The following SLC8A1 variants were observed in gnomAD, a reference collection of about 807,000 sequenced individuals.
The protein encoded by SLC8A1 is solute carrier family 8 member A1, also known as sodium/calcium exchanger 1.
Under a neutral mutation model 68.3 loss-of-function variants are expected in SLC8A1, and 18 were observed. That is an observed-to-expected ratio of 0.26 (90% CI 0.18 to 0.39). The LOEUF (loss-of-function observed/expected upper bound fraction) is 0.39. SLC8A1 is among the 10% of genes least tolerant of loss of function. The pLI, the probability that SLC8A1 is intolerant of heterozygous loss-of-function variation, is 1.00. For missense variants in SLC8A1, 985 were observed against 1,156.7 expected (o/e 0.85, Z 2.15); for synonymous variants, 475 against 415.5 (o/e 1.14, Z -1.74).
Position 40,324,369 on chromosome 2 carries a change from A to C in SLC8A1, c.1808+104104T>G, listed in dbSNP as rs564616837. On this transcript the variant is annotated intron_variant, in intron 2 of 7. Transcript: ENST00000406785. ...ACAGACAACTATAAAATGGGGTTCA[A>C]ATAAAGATGGGGCTATTTCAGAGGC... Among the ~76,000 whole-genome samples, 27 of 152,276 alleles carry C rather than the reference A, an allele frequency of 1.8e-4. No homozygotes were observed. The South Asian group carries it at 5.4e-3, about 30-fold the overall frequency.
intron 7 of SLC8A1, among the ~76,000 whole-genome samples, chr2:40,132,603 G>A (rs2148218193): frequency 6.6e-6 from 1 of 151,844 alleles, no homozygotes; most frequent in East Asian, 1.9e-4. Flanking sequence ...TCTTAGTTTT[G>A]AGAGTTATTA....
At chr2:40,152,686 G>C (rs2043676960) in intron 6 of SLC8A1, among the ~76,000 whole-genome samples, 1 of 151,942 alleles carries the variant, frequency 6.6e-6, no homozygotes, top group South Asian at 2.1e-4. Flanking sequence ...AAAGTGCTGG[G>C]ATTACAAGTG....
At chr2:40,349,235 C>G (rs986780664) in intron 2 of SLC8A1, among the ~76,000 whole-genome samples, 1 of 151,974 alleles carries the variant, frequency 6.6e-6, no homozygotes, top group African/African-American at 2.4e-5. Context: ...TGAAAAAAAC[C>G]GAAGACATGT....
chr2:40,173,889 A>G (rs1383334863), intron 4 of SLC8A1, among the ~76,000 whole-genome samples: 2 of 152,210 alleles, frequency 1.3e-5, no homozygotes, highest in Non-Finnish European at 1.5e-5. Flanking sequence ...GATGACTCTA[A>G]AAGGGTGAGA....
chr2:40,491,965 A>C (rs980359124), intron 1 of SLC8A1, among the ~76,000 whole-genome samples: 3 of 152,262 alleles, frequency 2.0e-5, no homozygotes, highest in Middle Eastern at 3.4e-3. Context: ...GCTACCAATG[A>C]CTTTCTTCAC....
chr2:40,301,666 C>T lies in SLC8A1; in HGVS notation c.1809-123811G>A, dbSNP rs192075479. 2.8e-3 allele frequency among the ~76,000 whole-genome samples: 426 copies of T among 152,302 alleles called. 1 individual carries two copies. The highest frequency in any genetic ancestry group is 0.014 in the Middle Eastern group (4 of 294). ...GTGCGGTGGCTTACGCCTATAATCCCAGCACATTGGGAGGCTAAGGCAGGT... is the reference window on the plus strand; with the variant it reads ...GTGCGGTGGCTTACGCCTATAATCCTAGCACATTGGGAGGCTAAGGCAGGT... On this transcript the variant is annotated intron_variant, in intron 2 of 7. Transcript: ENST00000406785.
intron 2 of SLC8A1, among the ~76,000 whole-genome samples, chr2:40,244,703 C>T (rs1186431839): frequency 6.6e-6 from 1 of 152,072 alleles, no homozygotes; most frequent in Admixed American, 6.6e-5. Flanking sequence ...GATCCTACCT[C>T]AGTTTTCAGC....
chr2:40,316,961 C>T (rs190891836), intron 2 of SLC8A1, among the ~76,000 whole-genome samples: 87 of 152,040 alleles, frequency 5.7e-4, no homozygotes, highest in Admixed American at 4.7e-3. Context: ...TTATAAATAG[C>T]CCTCCACTCA....
At chr2:40,161,768 C>G (rs2045727619) in intron 5 of SLC8A1, among the ~76,000 whole-genome samples, 1 of 152,184 alleles carries the variant, frequency 6.6e-6, no homozygotes, top group Non-Finnish European at 1.5e-5. Flanking sequence ...TCCCAAGAAA[C>G]TACCACAGTG....
At chr2:40,161,153 C>A (rs2045609791) in intron 5 of SLC8A1, among the ~76,000 whole-genome samples, 1 of 152,172 alleles carries the variant, frequency 6.6e-6, no homozygotes, top group African/African-American at 2.4e-5. Flanking sequence ...GCCCATCCAT[C>A]CCCCTGAATG....
At chr2:40,512,371 A>G (rs1008667319) in exon 1 of SLC8A1, 12 of 152,416 alleles carry the variant, frequency 7.9e-5, no homozygotes, top group Admixed American at 5.9e-4. Context: ...TTGGCTGCTC[A>G]GTCCGCATGG....
intron 1 of SLC8A1, among the ~76,000 whole-genome samples, chr2:40,473,068 G>A (rs1704083567): frequency 6.6e-6 from 1 of 151,776 alleles, no homozygotes; most frequent in Non-Finnish European, 1.5e-5. Context: ...GGCGGGAGGG[G>A]GCGGGAGGGT....
chr2:40,389,911 A>G (rs1336694338), intron 2 of SLC8A1, among the ~76,000 whole-genome samples: 2 of 151,040 alleles, frequency 1.3e-5, no homozygotes, highest in Admixed American at 6.6e-5. Flanking sequence ...CTAATAAAAT[A>G]TTTTCTTCCA....
At chr2:40,162,313 A>C (rs986575404) in intron 5 of SLC8A1, among the ~76,000 whole-genome samples, 2 of 152,170 alleles carry the variant, frequency 1.3e-5, no homozygotes, top group Admixed American at 1.3e-4. Context: ...CACTGCTACA[A>C]ATTCAAAGTG....
At chr2:40,294,382 T>C (rs2069925159) in intron 2 of SLC8A1, among the ~76,000 whole-genome samples, 1 of 152,140 alleles carries the variant, frequency 6.6e-6, no homozygotes, top group Admixed American at 6.6e-5. Flanking sequence ...TTCCCTACTT[T>C]AAAGATAAGG....
At chr2:40,200,209 T>TAA (rs2053964609) in intron 2 of SLC8A1, among the ~76,000 whole-genome samples, 1 of 6,594 alleles carries the variant, frequency 1.5e-4, no homozygotes, top group African/African-American at 7.6e-4. Flanking sequence ...TATATATAAA[T>TAA]ATATATATAT....
chr2:40,443,817 A>C (rs1235369112), intron 1 of SLC8A1, among the ~76,000 whole-genome samples: 1 of 152,152 alleles, frequency 6.6e-6, no homozygotes, highest in Non-Finnish European at 1.5e-5. Flanking sequence ...TGATATTCGA[A>C]TCCTACACTT....
chr2:40,489,526 T>C (rs1217186594), intron 1 of SLC8A1, among the ~76,000 whole-genome samples: 1 of 152,102 alleles, frequency 6.6e-6, no homozygotes, highest in Non-Finnish European at 1.5e-5. Flanking sequence ...TGTTACTCAC[T>C]AGAGATACCA....
intron 1 of SLC8A1, among the ~76,000 whole-genome samples, chr2:40,479,019 G>T (rs1229147250): frequency 2.0e-5 from 3 of 152,108 alleles, no homozygotes; most frequent in African/African-American, 7.2e-5. Context: ...TGATCCGCCT[G>T]CCTCGACCTC....
Sources: gnomAD v4.1 joint callset for allele counts (sites outside exome capture counted in the v4.1 genomes callset) on GRCh38, gnomAD v4.1.1 for gene constraint, MANE v1.5 for transcripts, NCBI Gene and HGNC (gene_info 2026-07-23, HGNC 2026-07-21) for gene names.